The following SDE2 variants were observed in gnomAD, a reference collection of about 807,000 sequenced individuals.
SDE2 encodes the protein spliceosome associated SDE2.
In SDE2, 31 loss-of-function variants were observed where a neutral mutation model predicts 46.9. The ratio of observed to expected loss-of-function variants is 0.66; its 90% CI spans 0.50 to 0.89. The LOEUF (loss-of-function observed/expected upper bound fraction) is 0.89. SDE2 is among the 40% of genes least tolerant of loss of function. The pLI, the probability that SDE2 is intolerant of heterozygous loss-of-function variation, is 0.00. For missense variants in SDE2, 542 were observed against 564.4 expected (o/e 0.96, Z 0.40); for synonymous variants, 205 against 204.3 (o/e 1.00, Z -0.03).
chr1:225,997,361 T>C (rs1427958742), intron 1 of SDE2, among the ~76,000 whole-genome samples: 1 of 151,246 alleles, frequency 6.6e-6, no homozygotes, highest in Admixed American at 6.6e-5. Flanking sequence ...TAATATTCTT[T>C]TGTGTTTCTA....
chr1:225,993,623 AAAG>A (rs1035935488), intron 2 of SDE2, among the ~76,000 whole-genome samples: 12 of 152,286 alleles, frequency 7.9e-5, no homozygotes, highest in Admixed American at 2.6e-4. Flanking sequence ...AAAAAAAAAA[AAAG>A]AAGCTTTACA....
rs750578046 is a variant in SDE2, at chr1:225,991,264, G to A, written c.620C>T (p.Ala207Val). Residue 207 changes from alanine to valine, a missense_variant, in exon 5 of 7, where the codon GCG becomes GTG. Coordinates refer to ENST00000272091, the MANE Select transcript of SDE2 (RefSeq NM_152608.4). ...TTACCAGAAGCATCTCCTCTTTCCC[G>A]CACTGGCTCCTCTGTCTGTTTGAGA... ...TKSQTDRGASAGKRRCFWLGM... is the reference protein window; with the variant it reads ...TKSQTDRGASVGKRRCFWLGM... 14 of 1,613,476 alleles carry A rather than the reference G, an allele frequency of 8.7e-6. No individual in the cohort carries two copies. The highest frequency in any genetic ancestry group is 4.0e-5 in the African/African-American group (3 of 74,896).
intron 1 of SDE2, among the ~76,000 whole-genome samples, chr1:225,995,870 A>C (rs1278873643): frequency 6.6e-6 from 1 of 152,226 alleles, no homozygotes; most frequent in Non-Finnish European, 1.5e-5. Flanking sequence ...GGAGACATAA[A>C]TACATGAAAA....
chr1:225,994,604 TTG>T (rs1471525228), intron 2 of SDE2, among the ~76,000 whole-genome samples: 2 of 152,238 alleles, frequency 1.3e-5, no homozygotes, highest in Admixed American at 1.3e-4. Context: ...TTATAAACAA[TTG>T]TGTTTCCTAA....
In SDE2 at chr1:225,985,249, C is replaced by T. The variant is rs1656243211; in HGVS notation, c.*53G>A. 1 of 1,369,762 alleles carries T rather than the reference C, an allele frequency of 7.3e-7. No homozygotes were observed. The highest frequency in any genetic ancestry group is 1.0e-6 in the Non-Finnish European group (1 of 958,066). The allele number at this position is 1,369,762 out of a possible 1,614,324, so 84.9% of individuals were successfully genotyped here. On this transcript the variant is annotated 3_prime_UTR_variant, in exon 7 of 7. Transcript: ENST00000272091. ...ATACTGGTCAAGAGTCCACATTATG[C>T]AGGTTGTAAATGGTAGACACTATAA...
chr1:225,991,372 A>G lies in SDE2; in HGVS notation c.521-9T>C. ...GGAGGCAGCCTGCATACCTAACCAG[A>G]AATTTTAACAACTCAGTTTCTACTA... On this transcript the variant is annotated splice_polypyrimidine_tract_variant and intron_variant, in intron 4 of 6. Coordinates refer to ENST00000272091, the MANE Select transcript of SDE2 (RefSeq NM_152608.4). The G allele has an allele frequency of 1.9e-6, 3 of 1,610,766 alleles. 1 individual carries two copies. The Middle Eastern group carries it at 5.0e-4, about 266-fold the overall frequency.
chr1:225,992,340 T>C, intron 4 of SDE2, 58 bp downstream of exon 4: 2 of 1,342,698 alleles, frequency 1.5e-6, no homozygotes, highest in Non-Finnish European at 2.1e-6. Flanking sequence ...TGTAGAGCAG[T>C]CTGAACAGCT....
Position 225,985,369 on chromosome 1 carries a change from C to A in SDE2, c.1289G>T (p.Arg430Ile). ...GTCAATTTGCTCCTTTGCCAGTCCT[C>A]TGACAGAGAAGAGTCTTGCTGCCCG... ...QERAARLFSVRGLAKEQIDPA... is the reference protein window; with the variant it reads ...QERAARLFSVIGLAKEQIDPA... Residue 430 changes from arginine to isoleucine, a missense_variant, in exon 7 of 7, where the codon AGA becomes ATA. Around this residue, in one of 3 missense-constraint regions of SDE2, gnomAD observed 401 missense variants for 437.8 expected, o/e 0.92. Transcript: ENST00000272091. 2 of 1,614,234 alleles carry A rather than the reference C, an allele frequency of 1.2e-6. No individual in the cohort carries two copies. The highest frequency in any genetic ancestry group is 2.2e-5 in the South Asian group (2 of 91,086).
chr1:225,987,275 G>A (rs1020548624), intron 6 of SDE2, among the ~76,000 whole-genome samples: 3 of 152,036 alleles, frequency 2.0e-5, no homozygotes, highest in Admixed American at 2.0e-4. Context: ...CTGGTGTCAA[G>A]CTCCTGACCT....
At chr1:225,995,549 A>G (rs1056644426) in intron 1 of SDE2, among the ~76,000 whole-genome samples, 166 bp from the exon 2 acceptor site, 6 of 152,240 alleles carry the variant, frequency 3.9e-5, no homozygotes, top group African/African-American at 1.4e-4. Flanking sequence ...GTCATTTCAC[A>G]TGATGCATTT....
In SDE2 at chr1:225,992,875, A is replaced by C; in HGVS notation, c.350+16T>G. ...ATGTCTCTCCTCAAAAACACAAAAA[A>C]AGGTGGGCATCTTACGCTTTTTCAT... On this transcript the variant is annotated intron_variant, in intron 3 of 6. Coordinates refer to ENST00000272091, the MANE Select transcript of SDE2 (RefSeq NM_152608.4). 2.1e-6 allele frequency: 3 copies of C among 1,462,222 alleles called. No homozygotes were observed. Among genetic ancestry groups the C allele is most frequent in the Non-Finnish European group, 2.9e-6 (3 of 1,042,122 alleles). 90.6% of individuals were successfully genotyped at this position (1,462,222 alleles called of 1,614,324 possible). A position where few individuals can be genotyped will look rare whatever the true frequency, so the allele number is the denominator to read the frequency against.
In SDE2 at chr1:225,986,160, C is replaced by T. The variant is rs867093666; in HGVS notation, c.1135-637G>A. ...CTTGGTCAACATGGTGAAACCCCGT[C>T]TCTACTAAAAATACAAAAATTAGCC... On this transcript the variant is annotated intron_variant, in intron 6 of 6. Transcript: ENST00000272091. Among the ~76,000 whole-genome samples the T allele has an allele frequency of 7.2e-4, 109 of 152,078 alleles. 1 individual carries two copies. Among genetic ancestry groups the T allele is most frequent in the Middle Eastern group, 6.8e-3 (2 of 294 alleles).
chr1:225,985,398 C>T lies in SDE2; in HGVS notation c.1260G>A (p.Gln420=). Residue 420 remains glutamine, a synonymous_variant, in exon 7 of 7, where the codon CAG becomes CAA. Coordinates refer to ENST00000272091, the MANE Select transcript of SDE2 (RefSeq NM_152608.4). ...ALGLKCGGTL[Q]ERAARLFSVR... ...CAGAGAAGAGTCTTGCTGCCCGCTCCTGCAGAGTGCCCCCACATTTCAGTC... is the reference window on the plus strand; with the variant it reads ...CAGAGAAGAGTCTTGCTGCCCGCTCTTGCAGAGTGCCCCCACATTTCAGTC... The T allele has an allele frequency of 6.2e-7, 1 of 1,614,228 alleles. No individual in the cohort carries two copies. The highest frequency in any genetic ancestry group is 1.1e-5 in the South Asian group (1 of 91,088).
intron 1 of SDE2, among the ~76,000 whole-genome samples, chr1:225,998,487 A>G (rs909704698): frequency 4.6e-5 from 7 of 152,240 alleles, no homozygotes; most frequent in African/African-American, 1.7e-4. Flanking sequence ...GGAAACCACT[A>G]AATTCTTTTG....
At chr1:225,997,779 T>A (rs1203536109) in intron 1 of SDE2, among the ~76,000 whole-genome samples, 1 of 152,226 alleles carries the variant, frequency 6.6e-6, no homozygotes, top group Non-Finnish European at 1.5e-5. Context: ...ACATACCTCA[T>A]GATTAAGATC....
chr1:225,989,187 C>A (rs889417767), intron 5 of SDE2, among the ~76,000 whole-genome samples: 1 of 149,270 alleles, frequency 6.7e-6, no homozygotes, highest in Non-Finnish European at 1.5e-5. Flanking sequence ...GTCCCTGCTA[C>A]TCGAGAGGCT....
At chr1:225,988,418 C>T (rs781739646) in intron 5 of SDE2, 30 bp from the exon 6 acceptor site, 87 of 1,607,190 alleles carry the variant, frequency 5.4e-5, no homozygotes, top group Non-Finnish European at 7.1e-5. Flanking sequence ...GGTTTAACAG[C>T]GTTTGTAGCT....
At chr1:225,986,138 G>C (rs1172997955) in intron 6 of SDE2, among the ~76,000 whole-genome samples, 1 of 152,010 alleles carries the variant, frequency 6.6e-6, no homozygotes, top group African/African-American at 2.4e-5. Context: ...AAACCAGCTT[G>C]GTCAACATGG....
At position 225,985,188 on chromosome 1, in the gene SDE2, G is replaced by T; in HGVS notation, c.*114C>A. The stretch of plus-strand genomic sequence containing the variant: ...AAGGAAAAAGGGGATAGTTAGAATT[G>T]GGTTACTAAAAAGTTAGCTTTTAAT... On this transcript the variant is annotated 3_prime_UTR_variant, in exon 7 of 7. Transcript: ENST00000272091. The T allele has an allele frequency of 1.4e-6, 1 of 732,096 alleles. No individual in the cohort carries two copies. The highest frequency in any genetic ancestry group is 2.6e-5 in the East Asian group (1 of 38,508). The allele number at this position is 732,096 out of a possible 1,614,324, so 45.4% of individuals were successfully genotyped here. A position where few individuals can be genotyped will look rare whatever the true frequency, so the allele number is the denominator to read the frequency against.
Sources: gnomAD v4.1 joint callset for allele counts (sites outside exome capture counted in the v4.1 genomes callset) on GRCh38, gnomAD v4.1.1 for gene constraint, gnomAD v4.1.1 regional missense constraint, MANE v1.5 for transcripts, NCBI Gene and HGNC (gene_info 2026-07-23, HGNC 2026-07-21) for gene names.